The following HM13 variants were observed in gnomAD, a reference collection of about 807,000 sequenced individuals.
HM13 encodes histocompatibility minor 13.
Under a neutral mutation model 50.0 loss-of-function variants are expected in HM13, and 18 were observed. The ratio of observed to expected loss-of-function variants is 0.36; its 90% CI spans 0.25 to 0.53. HM13 has a LOEUF of 0.53. Among genes scored for constraint, HM13 ranks in the 20% least tolerant of loss-of-function variants. HM13 has a pLI of 0.90. For missense variants in HM13, 393 were observed against 552.4 expected (o/e 0.71, Z 2.89); for synonymous variants, 197 against 232.6 (o/e 0.85, Z 1.39).
In HM13 at chr20:31,523,044, G is replaced by T. The variant is rs1441743936; in HGVS notation, c.184-4440G>T. Among the ~76,000 whole-genome samples the T allele has an allele frequency of 1.6e-4, 14 of 84,946 alleles. No individual in the cohort carries two copies. In the African/African-American group the frequency reaches 2.0e-3, roughly 12 times the overall value. 55.7% of individuals were successfully genotyped at this position (84,946 alleles called of 152,430 possible). On this transcript the variant is annotated intron_variant, in intron 1 of 12. Coordinates refer to ENST00000398174, the MANE Select transcript of HM13 (RefSeq NM_178581.3). ...TAATAGCCTGTTTGGGGTTTTTTTT[G>T]GGAGGGGGGCTTTTTTTTTTTTATG...
chr20:31,522,373 G>A (rs916985899), intron 1 of HM13, among the ~76,000 whole-genome samples: 1 of 152,086 alleles, frequency 6.6e-6, no homozygotes, highest in African/African-American at 2.4e-5. Context: ...GACCAGCCTG[G>A]CCAACATGGT....
chr20:31,562,968 G>T (rs766648643), intron 10 of HM13, among the ~76,000 whole-genome samples: 2 of 152,168 alleles, frequency 1.3e-5, no homozygotes, highest in African/African-American at 2.4e-5. Flanking sequence ...CCCCTTATTG[G>T]AGTCCAAGCC....
intron 1 of HM13, among the ~76,000 whole-genome samples, chr20:31,516,055 G>C (rs1981754750): frequency 6.6e-6 from 1 of 152,250 alleles, no homozygotes; most frequent in Admixed American, 6.5e-5. Context: ...GCAAAGGAAA[G>C]TAGTTAGGCG....
At chr20:31,517,308 T>C (rs1981851261) in intron 1 of HM13, among the ~76,000 whole-genome samples, 1 of 152,092 alleles carries the variant, frequency 6.6e-6, no homozygotes, top group African/African-American at 2.4e-5. Context: ...TGTGAAGAAG[T>C]AGCCTTGGGA....
At chr20:31,564,993 GTC>G (rs1020669778) in intron 10 of HM13, among the ~76,000 whole-genome samples, 2 of 149,752 alleles carry the variant, frequency 1.3e-5, no homozygotes, top group Non-Finnish European at 3.0e-5. Context: ...GTGAAACCCT[GTC>G]TCTACTAAAA....
chr20:31,524,511 A>T (rs1427320885), intron 1 of HM13, among the ~76,000 whole-genome samples: 2 of 151,692 alleles, frequency 1.3e-5, no homozygotes, highest in African/African-American at 2.4e-5. Flanking sequence ...AGACAGATTG[A>T]CTCCCATAGG....
chr20:31,547,928 C>A, intron 4 of HM13: 1 of 1,264,068 alleles, frequency 7.9e-7, no homozygotes, highest in Non-Finnish European at 1.2e-6. Context: ...AAACAGCATG[C>A]TCTGTGTGTT....
At chr20:31,530,661 A>T (rs961976408) in intron 2 of HM13, among the ~76,000 whole-genome samples, 18 of 152,196 alleles carry the variant, frequency 1.2e-4, no homozygotes, top group African/African-American at 3.9e-4. Context: ...CGCCTTCCTT[A>T]GCCTCCCAAA....
Position 31,514,879 on chromosome 20 carries a change from A to G in HM13, c.183+145A>G. 1 of 882,524 alleles carries G rather than the reference A, an allele frequency of 1.1e-6. No individual in the cohort carries two copies. The highest frequency in any genetic ancestry group is 1.6e-6 in the Non-Finnish European group (1 of 615,566). 54.7% of individuals were successfully genotyped at this position (882,524 alleles called of 1,614,324 possible). ...CCACCGTTCCCTCTGTCTCGGGCCC[A>G]CATTCCGGGGCTGGCATTTCCTACC... On this transcript the variant is annotated intron_variant, in intron 1 of 12. Transcript: ENST00000398174. This position sits in a 1 kb window ranked among gnomAD's most constrained non-coding sequence, Gnocchi z 4.3.
intron 10 of HM13, among the ~76,000 whole-genome samples, chr20:31,564,895 G>A (rs1397332181): frequency 6.6e-6 from 1 of 151,304 alleles, no homozygotes; most frequent in East Asian, 1.9e-4. Context: ...GCCAGGCGCG[G>A]TGTCTCACGC....
chr20:31,530,052 G>A (rs1982719766), intron 2 of HM13, among the ~76,000 whole-genome samples: 1 of 152,178 alleles, frequency 6.6e-6, no homozygotes, highest in Non-Finnish European at 1.5e-5. Flanking sequence ...TACTTTGGGA[G>A]GCTAAGGTGG....
At chr20:31,523,664 C>T (rs1000453433) in intron 1 of HM13, among the ~76,000 whole-genome samples, 1 of 152,164 alleles carries the variant, frequency 6.6e-6, no homozygotes, top group South Asian at 2.1e-4. Context: ...AGATCAGGAA[C>T]TCATTTTTGT....
intron 7 of HM13, among the ~76,000 whole-genome samples, chr20:31,552,389 G>A (rs1299243745): frequency 6.6e-6 from 1 of 152,166 alleles, no homozygotes; most frequent in Non-Finnish European, 1.5e-5. Flanking sequence ...AAAGAGGTGG[G>A]CAGAGGCCAG....
chr20:31,525,349 C>T (rs1038382684), intron 1 of HM13, among the ~76,000 whole-genome samples: 1 of 152,218 alleles, frequency 6.6e-6, no homozygotes, highest in Admixed American at 6.5e-5. Context: ...CTTACCTTCT[C>T]CAGACACCCT....
At position 31,543,522 on chromosome 20, in the gene HM13, CAA is replaced by C. The variant is rs533637026; in HGVS notation, c.366-1424_366-1423del. ...CAGGCTGGTCTCGAACTCCTGACCT[CAA>C]GTGATCCGCCACCTCAGCCTCCCAA... On this transcript the variant is annotated intron_variant, in intron 3 of 12. Transcript: ENST00000398174. Among the ~76,000 whole-genome samples, 272 of 152,008 alleles carry C rather than the reference CAA, an allele frequency of 1.8e-3. 2 individuals are homozygous for C. Among genetic ancestry groups the C allele is most frequent in the Non-Finnish European group, 3.4e-3 (234 of 67,964 alleles).
At chr20:31,557,703 CTTTTTTTT>C (rs1180267680) in intron 8 of HM13, among the ~76,000 whole-genome samples, 1 of 80,906 alleles carries the variant, frequency 1.2e-5, no homozygotes, top group Non-Finnish European at 2.2e-5. Flanking sequence ...GGCAGTGCTT[CTTTTTTTT>C]TTTTTTTTTT....
chr20:31,549,306 G>A lies in HM13; in HGVS notation c.640G>A (p.Gly214Arg). 6.2e-7 allele frequency: 1 copy of A among 1,614,220 alleles called. No homozygotes were observed. Among genetic ancestry groups the A allele is most frequent in the Non-Finnish European group, 8.5e-7 (1 of 1,180,052 alleles). Residue 214 changes from glycine to arginine, a missense_variant, in exon 6 of 13, where the codon GGA becomes AGA. Physicochemically the swap from Gly to Arg is moderately radical, Grantham distance 125 (BLOSUM62 -2). This residue lies in a region of HM13 where 214 missense variants were observed against 276.1 expected (regional missense o/e 0.77). Transcript: ENST00000398174. Reference sequence around the variant, plus strand: ...CAGCACTGGCTGCATCCTGCTGGGCGGACTCTTCATCTACGATGTCTTCTG... The same window carrying A: ...CAGCACTGGCTGCATCCTGCTGGGCAGACTCTTCATCTACGATGTCTTCTG... ...NVSTGCILLG[G>R]LFIYDVFWVF...
At chr20:31,529,881 C>T (rs1433495919) in intron 2 of HM13, among the ~76,000 whole-genome samples, 4 of 152,008 alleles carry the variant, frequency 2.6e-5, no homozygotes, top group Admixed American at 2.0e-4. Context: ...GCAGGGGAAT[C>T]GCTTGAACCC....
At chr20:31,520,646 A>C (rs533536403) in intron 1 of HM13, among the ~76,000 whole-genome samples, 3 of 152,292 alleles carry the variant, frequency 2.0e-5, no homozygotes, top group African/African-American at 7.2e-5. Context: ...AATCAGGTGT[A>C]GGCTTTAGAA....
Sources: allele counts gnomAD v4.1 joint callset (sites outside exome capture counted in the v4.1 genomes callset), GRCh38; gene constraint gnomAD v4.1.1; regional missense constraint gnomAD v4.1.1; non-coding constraint Gnocchi (gnomAD v3.1); transcripts MANE v1.5; gene names NCBI Gene and HGNC (gene_info 2026-07-23, HGNC 2026-07-21).